GRIK4: variants seen among roughly 807,000 people sequenced by gnomAD.
GRIK4 encodes glutamate ionotropic receptor kainate type subunit 4.
A neutral mutation model predicts 104.9 loss-of-function variants in GRIK4; 40 were observed. The observed-to-expected ratio is 0.38, with a 90% CI of 0.30 to 0.50. The LOEUF is 0.50. Ranked by LOEUF, GRIK4 falls within the 20% of genes least tolerant of loss-of-function variation. The probability of loss-of-function intolerance (pLI) is 0.93; values close to 1 mark genes in which losing one functional copy is unlikely to be tolerated. For missense variants in GRIK4, 1,047 were observed against 1,308.1 expected, an observed-to-expected ratio of 0.80 and a Z score of 3.08; for synonymous variants, 485 against 524.9, an observed-to-expected ratio of 0.92 and a Z score of 1.04.
chr11:120,525,240 A>G (rs1947843985), intron 1 of GRIK4, among the ~76,000 whole-genome samples: 1 of 152,162 alleles, frequency 6.6e-6, no homozygotes, highest in Non-Finnish European at 1.5e-5. Context: ...GTCTCATTTC[A>G]CAAGTGAGGG....
At chr11:120,678,902 G>A (rs1395754622) in intron 3 of GRIK4, among the ~76,000 whole-genome samples, 1 of 151,648 alleles carries the variant, frequency 6.6e-6, no homozygotes, top group East Asian at 1.9e-4. Context: ...CAAAGTGCTG[G>A]GATTACAGGT....
chr11:120,600,241 G>C (rs1948866399), intron 1 of GRIK4, among the ~76,000 whole-genome samples: 1 of 152,176 alleles, frequency 6.6e-6, no homozygotes, highest in African/African-American at 2.4e-5. Context: ...CACCCACCAG[G>C]CTTCCGGCTT....
At chr11:120,520,339 G>A (rs942451914) in intron 1 of GRIK4, among the ~76,000 whole-genome samples, 2 of 152,216 alleles carry the variant, frequency 1.3e-5, no homozygotes, top group African/African-American at 2.4e-5. Context: ...GCCTCTATGC[G>A]TTTTGGAACT....
intron 19 of GRIK4, among the ~76,000 whole-genome samples, chr11:120,969,362 C>T (rs1464092798): frequency 1.3e-5 from 2 of 152,030 alleles, no homozygotes; most frequent in African/African-American, 2.4e-5. Context: ...CTGAATAGGT[C>T]GACACCGTGG....
chr11:120,984,799 A>AC (rs2134811440), intron 20 of GRIK4, among the ~76,000 whole-genome samples: 1 of 150,148 alleles, frequency 6.7e-6, no homozygotes, highest in Admixed American at 6.7e-5. Flanking sequence ...AAACAAACAA[A>AC]AATGCAGGCC....
intron 1 of GRIK4, among the ~76,000 whole-genome samples, chr11:120,577,450 A>G (rs1476159769): frequency 6.6e-6 from 1 of 151,830 alleles, no homozygotes; most frequent in Non-Finnish European, 1.5e-5. Context: ...AGCCCATTCC[A>G]GACACCATCT....
chr11:120,833,366 C>T (rs1347905608), intron 7 of GRIK4, among the ~76,000 whole-genome samples: 1 of 152,000 alleles, frequency 6.6e-6, no homozygotes, highest in Non-Finnish European at 1.5e-5. Flanking sequence ...TCTCTTATGC[C>T]TGGAGCCATG....
intron 13 of GRIK4, among the ~76,000 whole-genome samples, chr11:120,935,522 C>T (rs1187253424): frequency 6.6e-6 from 1 of 152,050 alleles, no homozygotes; most frequent in Non-Finnish European, 1.5e-5. Flanking sequence ...TGCATTGCAG[C>T]CTGGGCAAGA....
intron 3 of GRIK4, among the ~76,000 whole-genome samples, chr11:120,686,521 G>A (rs147040667): frequency 6.6e-6 from 1 of 152,196 alleles, no homozygotes; most frequent in Non-Finnish European, 1.5e-5. Flanking sequence ...CTCACACAGT[G>A]CCTGTGTACC....
At chr11:120,896,634 C>T (rs954610643) in intron 11 of GRIK4, among the ~76,000 whole-genome samples, 1 of 152,254 alleles carries the variant, frequency 6.6e-6, no homozygotes, top group Non-Finnish European at 1.5e-5. Flanking sequence ...CCACACTCTC[C>T]ACCTTCTCCA....
At position 120,860,998 on chromosome 11, in the gene GRIK4, T is replaced by C. The variant is rs541171582; in HGVS notation, c.745-961T>C. ...TGTGCTAACCCACACTTCAGGTGTATAAGACTTAGGGTCCTGCTGGAAATG... is the reference window on the plus strand; with the variant it reads ...TGTGCTAACCCACACTTCAGGTGTACAAGACTTAGGGTCCTGCTGGAAATG... On this transcript the variant is annotated intron_variant, in intron 8 of 20. Coordinates refer to ENST00000527524, the MANE Select transcript of GRIK4 (RefSeq NM_014619.5). Among the ~76,000 whole-genome samples the C allele has an allele frequency of 2.6e-5, 4 of 151,144 alleles. No homozygotes were observed. The East Asian group carries it at 7.8e-4, about 29-fold the overall frequency.
chr11:120,666,802 G>C (rs1274068792), intron 3 of GRIK4, among the ~76,000 whole-genome samples: 1 of 152,180 alleles, frequency 6.6e-6, no homozygotes, highest in Non-Finnish European at 1.5e-5. Flanking sequence ...GATTCAACAG[G>C]GATGAACACC....
intron 3 of GRIK4, among the ~76,000 whole-genome samples, chr11:120,757,248 G>C (rs2135433782): frequency 6.6e-6 from 1 of 152,348 alleles, no homozygotes; most frequent in East Asian, 1.9e-4. Context: ...GCATAAGTGA[G>C]GTTGTGTCTG....
chr11:120,951,561 A>G (rs1313621354), intron 14 of GRIK4, among the ~76,000 whole-genome samples: 3 of 152,252 alleles, frequency 2.0e-5, no homozygotes, highest in African/African-American at 7.2e-5. Context: ...CCCTGAGCTT[A>G]GTACTGATTT....
chr11:120,759,157 C>G (rs1436973357), intron 3 of GRIK4, among the ~76,000 whole-genome samples: 4 of 152,108 alleles, frequency 2.6e-5, no homozygotes, highest in African/African-American at 9.7e-5. Context: ...TAGAAGTTAG[C>G]CAGGCAAGCA....
chr11:120,600,950 G>T (rs1479666970), intron 1 of GRIK4, among the ~76,000 whole-genome samples: 1 of 152,126 alleles, frequency 6.6e-6, no homozygotes, highest in African/African-American at 2.4e-5. Flanking sequence ...CAGCTATTCA[G>T]GAGGCTGAGT....
intron 3 of GRIK4, among the ~76,000 whole-genome samples, chr11:120,746,878 A>T (rs1951448019): frequency 1.3e-5 from 2 of 152,178 alleles, no homozygotes; most frequent in Admixed American, 1.3e-4. Flanking sequence ...CAAAGGTTGG[A>T]GGATGGGAAA....
chr11:120,860,110 T>C (rs1291339628), intron 8 of GRIK4, among the ~76,000 whole-genome samples: 1 of 152,216 alleles, frequency 6.6e-6, no homozygotes, highest in African/African-American at 2.4e-5. Context: ...GCACTTGCCA[T>C]CTGTCATGTC....
At chr11:120,821,932 C>T (rs1185721434) in intron 6 of GRIK4, among the ~76,000 whole-genome samples, 3 of 152,086 alleles carry the variant, frequency 2.0e-5, no homozygotes, top group Admixed American at 6.5e-5. Flanking sequence ...ACAGTAAAAT[C>T]GGTGCGGTGG....
Sources: allele counts gnomAD v4.1 joint callset (sites outside exome capture counted in the v4.1 genomes callset), GRCh38; gene constraint gnomAD v4.1.1; transcripts MANE v1.5; gene names NCBI Gene and HGNC (gene_info 2026-07-23, HGNC 2026-07-21).